Variants in SLC10A7 observed in about 807,000 individuals in gnomAD.
SLC10A7 encodes the protein solute carrier family 10 member 7.
SLC10A7 carries 29 observed loss-of-function variants against 43.2 expected under a neutral mutation model. The ratio of observed to expected loss-of-function variants is 0.67; its 90% CI spans 0.50 to 0.92. The LOEUF is 0.92. SLC10A7 is among the 40% of genes least tolerant of loss of function. SLC10A7 has a pLI of 0.00. For missense variants in SLC10A7, 295 were observed against 403.2 expected, an observed-to-expected ratio of 0.73 and a Z score of 2.30; for synonymous variants, 152 against 144.8, an observed-to-expected ratio of 1.05 and a Z score of -0.35.
chr4:146,369,818 A>C (rs2149776464), intron 5 of SLC10A7, among the ~76,000 whole-genome samples: 1 of 152,308 alleles, frequency 6.6e-6, no homozygotes, highest in Non-Finnish European at 1.5e-5. Flanking sequence ...TACTATAAGC[A>C]TAAAACTTAA....
chr4:146,329,450 C>T (rs984486215), intron 5 of SLC10A7, among the ~76,000 whole-genome samples: 1 of 152,162 alleles, frequency 6.6e-6, no homozygotes, highest in Non-Finnish European at 1.5e-5. Context: ...TCCTCACACT[C>T]TCTGACATAG....
chr4:146,421,407 C>A (rs1728954802), intron 5 of SLC10A7, among the ~76,000 whole-genome samples: 1 of 152,200 alleles, frequency 6.6e-6, no homozygotes, highest in African/African-American at 2.4e-5. Flanking sequence ...TCAGAACATT[C>A]TACACAGCAT....
At chr4:146,457,516 G>A (rs770901862) in intron 4 of SLC10A7, among the ~76,000 whole-genome samples, 6 of 151,308 alleles carry the variant, frequency 4.0e-5, no homozygotes, top group African/African-American at 4.9e-5. Context: ...TCCCCTCATC[G>A]CCCCAAAAAA....
At position 146,257,970 on chromosome 4, in the gene SLC10A7, G is replaced by T. The variant is rs553349524; in HGVS notation, c.993+722C>A. 2.6e-5 allele frequency among the ~76,000 whole-genome samples: 4 copies of T among 152,284 alleles called. No homozygotes were observed. The South Asian group carries it at 8.3e-4, about 32-fold the overall frequency. On this transcript the variant is annotated intron_variant, in intron 11 of 11. Transcript: ENST00000335472. ...TCTTCCCACACATCTCCTGATAACA[G>T]TCACTACTTTGTGAATAGACAAAAA...
intron 6 of SLC10A7, among the ~76,000 whole-genome samples, chr4:146,320,214 C>G (rs1447943961): frequency 6.6e-6 from 1 of 152,000 alleles, no homozygotes; most frequent in African/African-American, 2.4e-5. Flanking sequence ...TATGTTTGCT[C>G]CAGCATGTTC....
At chr4:146,305,081 A>G (rs1366383081) in intron 7 of SLC10A7, among the ~76,000 whole-genome samples, 1 of 151,398 alleles carries the variant, frequency 6.6e-6, no homozygotes, top group East Asian at 1.9e-4. Context: ...CTGGGTATAT[A>G]CCCAAAGGAC....
At chr4:146,269,605 C>T (rs1197576353) in intron 10 of SLC10A7, among the ~76,000 whole-genome samples, 2 of 152,188 alleles carry the variant, frequency 1.3e-5, no homozygotes, top group Non-Finnish European at 2.9e-5. Flanking sequence ...ATATATTTAA[C>T]ATAGTCACCA....
At chr4:146,438,605 A>G (rs1345264101) in intron 5 of SLC10A7, among the ~76,000 whole-genome samples, 2 of 152,056 alleles carry the variant, frequency 1.3e-5, no homozygotes, top group Non-Finnish European at 2.9e-5. Context: ...CTTTAAGACT[A>G]GGAGTTACCA....
rs777088426 is a variant in SLC10A7, at chr4:146,283,285, T to C, written c.774-20A>G. On this transcript the variant is annotated intron_variant, in intron 9 of 11. Transcript: ENST00000335472. ...TTATTCCTAGGGGCAAAAAAAGATTTTGACAAATACTTTTATAAAAAGCCA... is the reference window on the plus strand; with the variant it reads ...TTATTCCTAGGGGCAAAAAAAGATTCTGACAAATACTTTTATAAAAAGCCA... The C allele has an allele frequency of 7.5e-6, 12 of 1,606,836 alleles. 1 individual carries two copies. In the South Asian group the frequency reaches 1.2e-4, roughly 16 times the overall value.
At chr4:146,335,116 G>T (rs1361388180) in intron 5 of SLC10A7, among the ~76,000 whole-genome samples, 1 of 151,942 alleles carries the variant, frequency 6.6e-6, no homozygotes, top group Non-Finnish European at 1.5e-5. Context: ...TGATGTCAGT[G>T]TTTGGGGATC....
At chr4:146,297,893 A>G (rs1308149168) in intron 7 of SLC10A7, among the ~76,000 whole-genome samples, 5 of 152,190 alleles carry the variant, frequency 3.3e-5, no homozygotes, top group Non-Finnish European at 1.5e-5. Context: ...CTATTAATTC[A>G]TTCCATTCTC....
Position 146,479,470 on chromosome 4 carries a change from C to T in SLC10A7, c.396+24379G>A, listed in dbSNP as rs866575173. Among the ~76,000 whole-genome samples the T allele has an allele frequency of 7.2e-5, 11 of 151,802 alleles. No individual in the cohort carries two copies. In the Middle Eastern group the frequency reaches 0.01, roughly 141 times the overall value. ...TCATAATTCATTTATGATTAATTTC[C>T]CAAGTAAATACAAAAGAATTGTGTT... On this transcript the variant is annotated intron_variant, in intron 4 of 11. Coordinates refer to ENST00000335472, the MANE Select transcript of SLC10A7 (RefSeq NM_001029998.6).
At chr4:146,267,583 T>G (rs1728640625) in intron 10 of SLC10A7, among the ~76,000 whole-genome samples, 1 of 152,220 alleles carries the variant, frequency 6.6e-6, no homozygotes, top group Non-Finnish European at 1.5e-5. Flanking sequence ...TATGTTTTAC[T>G]TGCTTCCCTG....
chr4:146,485,776 C>T (rs1295467078), intron 4 of SLC10A7, among the ~76,000 whole-genome samples: 1 of 151,974 alleles, frequency 6.6e-6, no homozygotes, highest in Admixed American at 6.6e-5. Context: ...AACACAGGGG[C>T]CAGAGGACCA....
At chr4:146,444,923 G>T (rs535023595) in intron 4 of SLC10A7, among the ~76,000 whole-genome samples, 1 of 152,120 alleles carries the variant, frequency 6.6e-6, no homozygotes, top group Non-Finnish European at 1.5e-5. Flanking sequence ...TGTGGTTGCA[G>T]TCTATGAAAG....
In SLC10A7 at chr4:146,356,051, A is replaced by AAAAT. The variant is rs1553961389; in HGVS notation, c.436-30056_436-30055insATTT. ...ACTTAAAGTATAATAAAAAAAAAAA[A>AAAAT]ATATATATATATATATACATATATA... On this transcript the variant is annotated intron_variant, in intron 5 of 11. Transcript: ENST00000335472. Among the ~76,000 whole-genome samples, 125 of 140,130 alleles carry AAAAT rather than the reference A, an allele frequency of 8.9e-4. 1 individual carries two copies. The highest frequency in any genetic ancestry group is 3.7e-3 in the Middle Eastern group (1 of 272). 91.9% of individuals were successfully genotyped at this position (140,130 alleles called of 152,430 possible).
chr4:146,493,261 C>G (rs1179265205), intron 4 of SLC10A7, among the ~76,000 whole-genome samples: 2 of 152,156 alleles, frequency 1.3e-5, no homozygotes, highest in Non-Finnish European at 2.9e-5. Flanking sequence ...GTTGTTTAGA[C>G]TAGTGCCTCT....
rs372149616 is a variant in SLC10A7 at position 146,445,060 on chromosome 4, C to T, written c.397-2239G>A. 2.0e-5 allele frequency among the ~76,000 whole-genome samples: 3 copies of T among 152,104 alleles called. No homozygotes were observed. In the East Asian group the frequency reaches 5.8e-4, roughly 29 times the overall value. On this transcript the variant is annotated intron_variant, in intron 4 of 11. Transcript: ENST00000335472. The stretch of plus-strand genomic sequence containing the variant: ...AGCTCCTTGGCATGACGTCCAGGGC[C>T]TTCCATGAACATGTTTCTATCCATC...
At chr4:146,258,491 T>A (rs1418329209) in intron 11 of SLC10A7, among the ~76,000 whole-genome samples, 1 of 152,234 alleles carries the variant, frequency 6.6e-6, no homozygotes. Context: ...TTGTCTTTTA[T>A]AACAATTTAA....
Sources: gnomAD v4.1 joint callset for allele counts (sites outside exome capture counted in the v4.1 genomes callset) on GRCh38, gnomAD v4.1.1 for gene constraint, MANE v1.5 for transcripts, NCBI Gene and HGNC (gene_info 2026-07-23, HGNC 2026-07-21) for gene names.